Variants in EFHD2 observed in about 807,000 individuals in gnomAD.
EFHD2 encodes the protein EF-hand domain-containing protein D2.
A neutral mutation model predicts 20.3 loss-of-function variants in EFHD2; 12 were observed. That is an observed-to-expected ratio of 0.59 (90% CI 0.38 to 0.96). EFHD2 has a LOEUF of 0.96. Ranked by LOEUF, EFHD2 falls within the 40% of genes least tolerant of loss-of-function variation. The pLI is 0.00. For synonymous variants in EFHD2, 131 were observed against 143.9 expected, an observed-to-expected ratio of 0.91 and a Z score of 0.64; for missense variants, 250 against 334.3, an observed-to-expected ratio of 0.75 and a Z score of 1.97.
intron 1 of EFHD2, among the ~76,000 whole-genome samples, chr1:15,419,913 CCT>C (rs940698811): frequency 6.6e-6 from 1 of 152,238 alleles, no homozygotes; most frequent in Non-Finnish European, 1.5e-5. Flanking sequence ...CCCTGAGGCT[CCT>C]CTCTCCCTGT....
At chr1:15,425,575 C>T (rs1035486700) in intron 1 of EFHD2, among the ~76,000 whole-genome samples, 2 of 152,008 alleles carry the variant, frequency 1.3e-5, no homozygotes, top group African/African-American at 4.8e-5. Flanking sequence ...CCATCACATT[C>T]AGCACACGGA....
chr1:15,412,580 T>C (rs1424672057), intron 1 of EFHD2, among the ~76,000 whole-genome samples: 1 of 152,118 alleles, frequency 6.6e-6, no homozygotes, highest in East Asian at 1.9e-4. Context: ...GATTGTCCAT[T>C]CATGTCCCCA....
intron 2 of EFHD2, 123 bp from the exon 3 acceptor site, chr1:15,427,027 C>A (rs1707881891): frequency 7.4e-7 from 1 of 1,343,498 alleles, no homozygotes; most frequent in East Asian, 2.5e-5. Flanking sequence ...CGAGACCCAG[C>A]TCACTGCCCC....
chr1:15,416,621 C>G (rs533063702), intron 1 of EFHD2, among the ~76,000 whole-genome samples: 69 of 152,266 alleles, frequency 4.5e-4, no homozygotes, highest in African/African-American at 1.6e-3. Context: ...GCTGGACTTT[C>G]AGAAGGGTTA....
chr1:15,417,976 T>A (rs1707706793), intron 1 of EFHD2, among the ~76,000 whole-genome samples: 1 of 123,228 alleles, frequency 8.1e-6, no homozygotes, highest in African/African-American at 4.4e-5. Flanking sequence ...ACTTTCTTTC[T>A]TTTTCTTTTT....
chr1:15,415,984 G>A (rs150259401), intron 1 of EFHD2, among the ~76,000 whole-genome samples: 1 of 152,188 alleles, frequency 6.6e-6, no homozygotes, highest in Non-Finnish European at 1.5e-5. Flanking sequence ...TAGAGAGGTG[G>A]AGAGGTGGGG....
At position 15,413,518 on chromosome 1, in the gene EFHD2, AGGTACTTCCTGAGGCTGGAGATCGAGGG is replaced by A. The variant is rs1199596878; in HGVS notation, c.308+3242_308+3269del. ...GTCCACCCCTCCGTGTTGATTCAGCAGGTACTTCCTGAGGCTGGAGATCGAGGGGGAAGAGAGGGGATGGGGGAAGATA... is the reference window on the plus strand; with the variant it reads ...GTCCACCCCTCCGTGTTGATTCAGCAGGAAGAGAGGGGATGGGGGAAGATA... On this transcript the variant is annotated intron_variant, in intron 1 of 3. Transcript: ENST00000375980. This position sits in a 1 kb window ranked among gnomAD's most constrained non-coding sequence, Gnocchi z 4.4. Among the ~76,000 whole-genome samples, 3 of 152,208 alleles carry A rather than the reference AGGTACTTCCTGAGGCTGGAGATCGAGGG, an allele frequency of 2.0e-5. No homozygotes were observed. The South Asian group carries it at 6.2e-4, about 32-fold the overall frequency.
intron 1 of EFHD2, among the ~76,000 whole-genome samples, chr1:15,416,863 G>A (rs1343112550): frequency 6.6e-6 from 1 of 152,010 alleles, no homozygotes; most frequent in African/African-American, 2.4e-5. Flanking sequence ...CAGACCAAGT[G>A]CAGTGGTACG....
intron 1 of EFHD2, among the ~76,000 whole-genome samples, chr1:15,411,291 C>T (rs1382951383): frequency 6.6e-6 from 1 of 151,820 alleles, no homozygotes; most frequent in Non-Finnish European, 1.5e-5. Context: ...CTGTTACCCC[C>T]ACCCCTACCC....
chr1:15,419,677 G>A (rs952051619), intron 1 of EFHD2, among the ~76,000 whole-genome samples: 28 of 152,272 alleles, frequency 1.8e-4, no homozygotes, highest in Middle Eastern at 3.4e-3. Flanking sequence ...TGGATCTTGC[G>A]GGCTGATCTC....
intron 1 of EFHD2, among the ~76,000 whole-genome samples, chr1:15,418,902 A>T (rs1707739147): frequency 6.6e-6 from 1 of 152,212 alleles, no homozygotes; most frequent in South Asian, 2.1e-4. Context: ...TTCCCCTCTG[A>T]GCCTCAGTCT....
At chr1:15,415,315 A>G (rs1023052517) in intron 1 of EFHD2, among the ~76,000 whole-genome samples, 3 of 152,132 alleles carry the variant, frequency 2.0e-5, no homozygotes, top group Non-Finnish European at 4.4e-5. Context: ...GAAAGCTCTC[A>G]TGAATGACAC....
At chr1:15,428,447 A>G in intron 3 of EFHD2, 146 bp from the exon 4 acceptor site, 1 of 1,031,346 alleles carries the variant, frequency 9.7e-7, no homozygotes, top group Non-Finnish European at 1.4e-6. Context: ...CAGTGAGCCA[A>G]GATTGCGCCA....
At chr1:15,424,026 CA>C (rs901014005) in intron 1 of EFHD2, among the ~76,000 whole-genome samples, 21 of 150,650 alleles carry the variant, frequency 1.4e-4, no homozygotes, top group African/African-American at 4.9e-4. Context: ...CCCGTCTCTA[CA>C]AAAAAAATAC....
chr1:15,411,226 C>T (rs559591329), intron 1 of EFHD2, among the ~76,000 whole-genome samples: 29 of 151,850 alleles, frequency 1.9e-4, no homozygotes, highest in African/African-American at 6.8e-4. Context: ...CACAGGGACC[C>T]CCCATGTCCC....
rs189035491 is a variant in EFHD2 at position 15,426,903 on chromosome 1, G to A, written c.457-247G>A. Among the ~76,000 whole-genome samples, 1 of 152,294 alleles carries A rather than the reference G, an allele frequency of 6.6e-6. No homozygotes were observed. The highest frequency in any genetic ancestry group is 6.5e-5 in the Admixed American group (1 of 15,304). Reference sequence around the variant, plus strand: ...AGGCCGTGTCGTCGGGAGCTGGTGTGGGCGGGTCAGGGCTGCAGTAGGCCA... The same window carrying A: ...AGGCCGTGTCGTCGGGAGCTGGTGTAGGCGGGTCAGGGCTGCAGTAGGCCA... On this transcript the variant is annotated intron_variant, in intron 2 of 3. Transcript: ENST00000375980. This position sits in a 1 kb window ranked among gnomAD's most constrained non-coding sequence, Gnocchi z 4.6.
Position 15,426,071 on chromosome 1 carries a change from T to C in EFHD2, c.456+53T>C. ...CTACCAGGGGCTTCACCTGAGGACC[T>C]GGTGGCCCGGGAGAGACCAACCCCC... is the stretch of plus-strand genomic sequence containing the variant. On this transcript the variant is annotated intron_variant, in intron 2 of 3. Transcript: ENST00000375980. This position sits in a 1 kb window ranked among gnomAD's most constrained non-coding sequence, Gnocchi z 4.6. 1.3e-6 allele frequency: 2 copies of C among 1,512,656 alleles called. No homozygotes were observed. Among genetic ancestry groups the C allele is most frequent in the Admixed American group, 4.8e-5 (2 of 41,510 alleles). The allele number at this position is 1,512,656 out of a possible 1,614,324, so 93.7% of individuals were successfully genotyped here.
intron 3 of EFHD2, 104 bp downstream of exon 3, chr1:15,427,388 C>G (rs1394889439): frequency 6.7e-7 from 1 of 1,487,908 alleles, no homozygotes; most frequent in Non-Finnish European, 9.0e-7. Context: ...AGGCTGCAGA[C>G]AGAGATGGGA....
At chr1:15,424,540 T>C (rs1340294494) in intron 1 of EFHD2, among the ~76,000 whole-genome samples, 3 of 152,102 alleles carry the variant, frequency 2.0e-5, no homozygotes, top group African/African-American at 7.2e-5. Context: ...TATCGCCCGA[T>C]GCTTGTTCCC....
Sources: gnomAD v4.1 joint callset for allele counts (sites outside exome capture counted in the v4.1 genomes callset) on GRCh38, gnomAD v4.1.1 for gene constraint, Gnocchi (gnomAD v3.1) non-coding constraint, MANE v1.5 for transcripts, NCBI Gene and HGNC (gene_info 2026-07-23, HGNC 2026-07-21) for gene names.